Variants in RAMAC observed in about 807,000 individuals in gnomAD.
RAMAC encodes RNA guanine-7 methyltransferase activating subunit, also known as RNA guanine-N7 methyltransferase activating subunit.
RAMAC carries 11 observed loss-of-function variants against 17.9 expected under a neutral mutation model. The ratio of observed to expected loss-of-function variants is 0.61; its 90% CI spans 0.39 to 1.02. The LOEUF is 1.02. RAMAC is among the 50% of genes least tolerant of loss of function. The probability of loss-of-function intolerance (pLI) is 0.01; values close to 1 mark genes in which losing one functional copy is unlikely to be tolerated. For synonymous variants in RAMAC, 27 were observed against 48.4 expected, an observed-to-expected ratio of 0.56 and a Z score of 1.84; for missense variants, 109 against 144.0, an observed-to-expected ratio of 0.76 and a Z score of 1.25.
rs1359172197 is a variant in RAMAC, at chr15:82,989,194, T to C, written c.170+6T>C. 4.3e-6 allele frequency: 7 copies of C among 1,610,496 alleles called. No individual in the cohort carries two copies. The highest frequency in any genetic ancestry group is 5.1e-6 in the Non-Finnish European group (6 of 1,178,978). On this transcript the variant is annotated splice_donor_region_variant and intron_variant, in intron 3 of 3. Transcript: ENST00000304191. ...CAAAGAAACAGAGGCAATCGGTGTGTATTCAAAAGAATAAATGCAGATAGT... is the reference window on the plus strand; with the variant it reads ...CAAAGAAACAGAGGCAATCGGTGTGCATTCAAAAGAATAAATGCAGATAGT...
chr15:82,986,641 G>C (rs908458003), intron 1 of RAMAC, among the ~76,000 whole-genome samples: 1 of 152,120 alleles, frequency 6.6e-6, no homozygotes, highest in Admixed American at 6.5e-5. Context: ...TGTTCCCCGG[G>C]CTCACCTCCC....
Position 82,990,898 on chromosome 15 carries a change from T to C in RAMAC, c.*831T>C. On this transcript the variant is annotated 3_prime_UTR_variant, in exon 4 of 4. Coordinates refer to ENST00000304191, the MANE Select transcript of RAMAC (RefSeq NM_031452.4). ...GTGGGCTGATTTTACAATGTTATAT[T>C]CACTTCCAGATGCATACCTCTGCTG... The C allele has an allele frequency of 4.7e-6, 2 of 428,944 alleles. No individual in the cohort carries two copies. Among genetic ancestry groups the C allele is most frequent in the Non-Finnish European group, 4.2e-6 (1 of 238,450 alleles). 26.6% of individuals were successfully genotyped at this position (428,944 alleles called of 1,614,324 possible).
chr15:82,987,711 T>C (rs2030673843), intron 2 of RAMAC, among the ~76,000 whole-genome samples: 1 of 152,182 alleles, frequency 6.6e-6, no homozygotes, highest in African/African-American at 2.4e-5. Context: ...ATATTTGGTA[T>C]TTGATAAAGC....
intron 3 of RAMAC, 94 bp from the exon 4 acceptor site, chr15:82,989,787 A>G: frequency 2.1e-6 from 3 of 1,445,316 alleles, no homozygotes; most frequent in Non-Finnish European, 2.8e-6. Context: ...TTTATTGTGT[A>G]TTAGAATGAG....
rs1328867040 is a variant in RAMAC at position 82,990,782 on chromosome 15, A to G, written c.*715A>G. On this transcript the variant is annotated 3_prime_UTR_variant, in exon 4 of 4. Coordinates refer to ENST00000304191, the MANE Select transcript of RAMAC (RefSeq NM_031452.4). ...AACAACATAGCAGGTCAAAATTCAC[A>G]CATAAGAAAGTTTAACTCTGTACTG... 2.7e-6 allele frequency: 2 copies of G among 750,552 alleles called. No individual in the cohort carries two copies. Among genetic ancestry groups the G allele is most frequent in the Non-Finnish European group, 4.5e-6 (2 of 443,604 alleles). 46.5% of individuals were successfully genotyped at this position (750,552 alleles called of 1,614,324 possible).
intron 3 of RAMAC, among the ~76,000 whole-genome samples, chr15:82,989,406 TTTG>T (rs1349931337): frequency 2.6e-5 from 4 of 152,268 alleles, no homozygotes; most frequent in African/African-American, 9.6e-5. Flanking sequence ...CGTGTGTTTT[TTTG>T]TTTTTAGATG....
intron 2 of RAMAC, 112 bp from the exon 3 acceptor site, chr15:82,988,898 G>C: frequency 2.3e-6 from 2 of 866,304 alleles, no homozygotes; most frequent in Non-Finnish European, 3.5e-6. Context: ...AGCACACAAA[G>C]ACTTCCATGA....
intron 2 of RAMAC, chr15:82,988,638 G>C (rs1418076878): frequency 2.4e-6 from 1 of 419,086 alleles, no homozygotes; most frequent in African/African-American, 2.1e-5. Context: ...AAGACTTCCA[G>C]CCTAGGCAAC....
In RAMAC at chr15:82,990,013, C is replaced by T. The variant is rs2030792852; in HGVS notation, c.303C>T (p.Pro101=). 6.3e-7 allele frequency: 1 copy of T among 1,577,888 alleles called. No homozygotes were observed. The highest frequency in any genetic ancestry group is 8.7e-7 in the Non-Finnish European group (1 of 1,155,210). Residue 101 remains proline (P), a synonymous_variant, in exon 4 of 4, where the codon CCC becomes CCT. Coordinates refer to ENST00000304191, the MANE Select transcript of RAMAC (RefSeq NM_031452.4). ...AACACAGACAAGAACCTTACTATCCCCAGCAATATGGACATTATGGTTACA... is the reference window on the plus strand; with the variant it reads ...AACACAGACAAGAACCTTACTATCCTCAGCAATATGGACATTATGGTTACA... ...YPQHRQEPYY[P]QQYGHYGYNQ... is the part of the protein sequence containing the mutation.
intron 1 of RAMAC, among the ~76,000 whole-genome samples, chr15:82,986,734 G>A (rs1184220519): frequency 6.6e-6 from 1 of 152,118 alleles, no homozygotes; most frequent in Non-Finnish European, 1.5e-5. Flanking sequence ...TATTTGTGGT[G>A]AATAAATTAG....
rs2030830664 is a variant in RAMAC, at chr15:82,990,887, C to A, written c.*820C>A. On this transcript the variant is annotated 3_prime_UTR_variant, in exon 4 of 4. Transcript: ENST00000304191. ...TGGTATTTAATGTGGGCTGATTTTA[C>A]AATGTTATATTCACTTCCAGATGCA... is the stretch of plus-strand genomic sequence containing the variant. 1 of 459,586 alleles carries A rather than the reference C, an allele frequency of 2.2e-6. No homozygotes were observed. The highest frequency in any genetic ancestry group is 1.9e-5 in the African/African-American group (1 of 51,880). The allele number at this position is 459,586 out of a possible 1,614,324, so 28.5% of individuals were successfully genotyped here.
intron 2 of RAMAC, chr15:82,988,722 A>T (rs2030731007): frequency 2.2e-6 from 1 of 455,666 alleles, no homozygotes; most frequent in Non-Finnish European, 4.3e-6. Flanking sequence ...TAGTTCCAGC[A>T]ACTTGGGAGG....
In RAMAC at chr15:82,989,202, A is replaced by C; in HGVS notation, c.170+14A>C. 1 of 1,610,650 alleles carries C rather than the reference A, an allele frequency of 6.2e-7. No individual in the cohort carries two copies. The highest frequency in any genetic ancestry group is 8.5e-7 in the Non-Finnish European group (1 of 1,178,830). On this transcript the variant is annotated intron_variant, in intron 3 of 3. Transcript: ENST00000304191. ...CAGAGGCAATCGGTGTGTATTCAAA[A>C]GAATAAATGCAGATAGTTGATCTGG... is the stretch of plus-strand genomic sequence containing the variant.
chr15:82,988,913 C>A, intron 2 of RAMAC, 97 bp from the exon 3 acceptor site: 1 of 1,040,676 alleles, frequency 9.6e-7, no homozygotes, highest in Non-Finnish European at 1.4e-6. Flanking sequence ...CCATGAATAC[C>A]CCGCCTAAAA....
intron 2 of RAMAC, chr15:82,988,291 T>C (rs2030710875): frequency 1.3e-5 from 2 of 156,828 alleles, no homozygotes; most frequent in Non-Finnish European, 2.8e-5. Context: ...GATCGCGCCA[T>C]TGCACTCCAA....
At position 82,990,009 on chromosome 15, in the gene RAMAC, A is replaced by C; in HGVS notation, c.299A>C (p.Tyr100Ser). The change falls in exon 4 of 4, where the codon TAT becomes TCT. Residue 100 changes from tyrosine (Y) to serine (S), a missense_variant. Transcript: ENST00000304191. ...NYPQHRQEPY[Y>S]PQQYGHYGYN... ...CCGCAACACAGACAAGAACCTTACT[A>C]TCCCCAGCAATATGGACATTATGGT... 1.9e-6 allele frequency: 3 copies of C among 1,583,000 alleles called. No individual in the cohort carries two copies. Among genetic ancestry groups the C allele is most frequent in the Non-Finnish European group, 1.7e-6 (2 of 1,158,534 alleles).
chr15:82,988,853 G>T, intron 2 of RAMAC, 157 bp from the exon 3 acceptor site: 26 of 624,826 alleles, frequency 4.2e-5, no homozygotes, highest in Non-Finnish European at 2.4e-5. Flanking sequence ...AAAAAAAAAT[G>T]TTGAATTCAA....
intron 3 of RAMAC, among the ~76,000 whole-genome samples, chr15:82,989,653 A>G (rs1596395639): frequency 6.6e-6 from 1 of 152,228 alleles, no homozygotes; most frequent in Non-Finnish European, 1.5e-5. Flanking sequence ...TATTGGTTAT[A>G]TAGTCTGCCT....
At position 82,989,113 on chromosome 15, in the gene RAMAC, G is replaced by A. The variant is rs150238339; in HGVS notation, c.95G>A (p.Arg32His). 1.5e-3 allele frequency: 2,443 copies of A among 1,613,828 alleles called. 5 individuals are homozygous for A. Among genetic ancestry groups the A allele is most frequent in the Non-Finnish European group, 1.6e-3 (1,900 of 1,179,804 alleles). The change falls in exon 3 of 4, where the codon CGC (arginine) becomes CAC (histidine). Residue 32 changes from arginine to histidine, a missense_variant. Coordinates refer to ENST00000304191, the MANE Select transcript of RAMAC (RefSeq NM_031452.4). The stretch of plus-strand genomic sequence containing the variant: ...AAGGAGTATCAGGAATACCTGAAAC[G>A]CCCTCCTGAGTCTCCTCCAATTGTT... ...NDKEYQEYLK[R>H]PPESPPIVEE...
Sources: allele counts gnomAD v4.1 joint callset (sites outside exome capture counted in the v4.1 genomes callset), GRCh38; gene constraint gnomAD v4.1.1; transcripts MANE v1.5; gene names NCBI Gene and HGNC (gene_info 2026-07-23, HGNC 2026-07-21).